The following MTCL1 variants were observed in gnomAD, a reference collection of about 807,000 sequenced individuals.
MTCL1 encodes the protein microtubule crosslinking factor 1.
In MTCL1, 79 loss-of-function variants were observed where a neutral mutation model predicts 141.4. That is an observed-to-expected ratio of 0.56 (90% CI 0.47 to 0.67). MTCL1 has a LOEUF of 0.67. Among genes scored for constraint, MTCL1 ranks in the 30% least tolerant of loss-of-function variants. The pLI is 0.00. For synonymous variants in MTCL1, 914 were observed against 875.8 expected (o/e 1.04, Z -0.77); for missense variants, 2,177 against 2,113.9 (o/e 1.03, Z -0.59).
rs141822568 is a variant in MTCL1, at chr18:8,724,665, C to T, written c.357+4169C>T. 3.7e-3 allele frequency among the ~76,000 whole-genome samples: 566 copies of T among 152,240 alleles called. 3 individuals carry two copies. The highest frequency in any genetic ancestry group is 0.013 in the African/African-American group (543 of 41,538). On this transcript the variant is annotated intron_variant, in intron 4 of 16. Coordinates refer to ENST00000359865, the Ensembl canonical transcript of MTCL1. Reference sequence around the variant, plus strand: ...TGCATGACACAGCAGCCTATTACCCCCTAACCCATCCCCGGCTCCCTGTTG... The same window carrying T: ...TGCATGACACAGCAGCCTATTACCCTCTAACCCATCCCCGGCTCCCTGTTG...
At chr18:8,752,280 G>T (rs28733107) in intron 4 of MTCL1, among the ~76,000 whole-genome samples, 1,912 of 152,296 alleles carry the variant, frequency 0.013, 36 homozygotes, top group African/African-American at 0.044. Context: ...TTTATAAAAA[G>T]TCATCTGCCT....
chr18:8,784,595 C>T (rs775341316), exon 6 of MTCL1: 25 of 1,612,048 alleles, frequency 1.6e-5, no homozygotes, highest in Non-Finnish European at 1.8e-5. Flanking sequence ...GGGGCCTGGC[C>T]TCCAGGGCGA....
intron 1 of MTCL1, among the ~76,000 whole-genome samples, chr18:8,708,389 G>T (rs1160539901): frequency 6.6e-6 from 1 of 152,174 alleles, no homozygotes; most frequent in Non-Finnish European, 1.5e-5. Flanking sequence ...ATGTGTCTGA[G>T]CCTGGAGTCT....
At chr18:8,752,582 CAGACCCACAGAGT>C (rs1167266348) in intron 4 of MTCL1, among the ~76,000 whole-genome samples, 1 of 152,166 alleles carries the variant, frequency 6.6e-6, no homozygotes, top group East Asian at 1.9e-4. Flanking sequence ...TTGTATGCTA[CAGACCCACAGAGT>C]ATTTCCAAGG....
At chr18:8,709,963 C>T (rs778882480) in intron 1 of MTCL1, among the ~76,000 whole-genome samples, 19 of 152,108 alleles carry the variant, frequency 1.2e-4, no homozygotes, top group East Asian at 1.9e-4. Flanking sequence ...CCTCAGCCTC[C>T]GGAGTAGCTG....
In MTCL1 at chr18:8,796,449, A is replaced by G; in HGVS notation, c.2228A>G (p.Glu743Gly). 8 of 1,614,122 alleles carry G rather than the reference A, an allele frequency of 5.0e-6. No homozygotes were observed. The South Asian group carries it at 8.8e-5, about 18-fold the overall frequency. The stretch of plus-strand genomic sequence containing the variant: ...GGGAAGCAGATGGAGGAGGAAGGAG[A>G]GGAGTTCACTGAGGTAACTCCACTG... The change falls in exon 9 of 17, where the codon GAG (glutamate) becomes GGG (glycine). Residue 743 changes from glutamate to glycine, a missense_variant. By Grantham distance (98) the Glu-to-Gly change is moderately conservative. Transcript: ENST00000359865.
At chr18:8,785,940 G>T (rs1271142796) in exon 7 of MTCL1, 1 of 1,600,172 alleles carries the variant, frequency 6.2e-7, no homozygotes, top group African/African-American at 1.3e-5. Context: ...TAACAGTCCA[G>T]ACTGAAAGAG....
chr18:8,754,973 C>T (rs1360871309), intron 4 of MTCL1, among the ~76,000 whole-genome samples: 4 of 152,142 alleles, frequency 2.6e-5, no homozygotes, highest in Non-Finnish European at 5.9e-5. Context: ...CAGCCTGGTG[C>T]GTTTGGTCCT....
At chr18:8,752,772 A>G (rs1050514034) in intron 4 of MTCL1, among the ~76,000 whole-genome samples, 4 of 152,190 alleles carry the variant, frequency 2.6e-5, no homozygotes, top group Admixed American at 6.5e-5. Flanking sequence ...CAGGCACCCT[A>G]TTGCTGGGTG....
At chr18:8,734,052 G>GAGGGTTGCT (rs1222424877) in intron 4 of MTCL1, among the ~76,000 whole-genome samples, 1 of 152,144 alleles carries the variant, frequency 6.6e-6, no homozygotes, top group East Asian at 1.9e-4. Context: ...CATTACAGGT[G>GAGGGTTGCT]AGGGTTGCTA....
chr18:8,778,629 A>C (rs1027955185), intron 5 of MTCL1, among the ~76,000 whole-genome samples: 1 of 152,110 alleles, frequency 6.6e-6, no homozygotes, highest in Non-Finnish European at 1.5e-5. Flanking sequence ...CCATTCTCCA[A>C]ACTCACTGAT....
chr18:8,766,614 T>C (rs1210566983), intron 4 of MTCL1, among the ~76,000 whole-genome samples: 2 of 152,236 alleles, frequency 1.3e-5, no homozygotes, highest in Admixed American at 6.5e-5. Context: ...TTAGCCTGTG[T>C]GTTCATTCCA....
chr18:8,819,224 A>G, exon 13 of MTCL1: 1 of 1,614,234 alleles, frequency 6.2e-7, no homozygotes, highest in Non-Finnish European at 8.5e-7. Flanking sequence ...ACCAGCCCAC[A>G]GGCCCGAGAG....
At chr18:8,734,489 G>A (rs1432287817) in intron 4 of MTCL1, among the ~76,000 whole-genome samples, 1 of 151,980 alleles carries the variant, frequency 6.6e-6, no homozygotes, top group Non-Finnish European at 1.5e-5. Context: ...TTTCTGAAGG[G>A]TACCCTGCAT....
intron 1 of MTCL1, chr18:8,707,240 G>A (rs956625769): frequency 6.5e-6 from 1 of 152,764 alleles, no homozygotes; most frequent in African/African-American, 2.4e-5. Flanking sequence ...CCGACATCCC[G>A]GGTAGAGGGG....
At chr18:8,814,800 T>C (rs1330433269) in intron 12 of MTCL1, among the ~76,000 whole-genome samples, 2 of 152,356 alleles carry the variant, frequency 1.3e-5, no homozygotes, top group Non-Finnish European at 2.9e-5. Context: ...TGGTGGCTTG[T>C]TGGACTTGTC....
At chr18:8,756,513 ATG>A (rs1567984162) in intron 4 of MTCL1, among the ~76,000 whole-genome samples, 1,951 of 145,282 alleles carry the variant, frequency 0.013, 63 homozygotes, top group African/African-American at 0.05. Context: ...GTGTATATAT[ATG>A]TGTGTATATA....
intron 7 of MTCL1, among the ~76,000 whole-genome samples, chr18:8,790,691 A>G (rs1206112392): frequency 2.6e-5 from 4 of 152,248 alleles, no homozygotes; most frequent in Non-Finnish European, 4.4e-5. Context: ...ATTTAGGGGA[A>G]TCTTCAAGAG....
At chr18:8,710,571 T>C (rs574227968) in intron 1 of MTCL1, among the ~76,000 whole-genome samples, 292 of 149,570 alleles carry the variant, frequency 2.0e-3, no homozygotes, top group Middle Eastern at 7.0e-3. Flanking sequence ...TGGATGACAA[T>C]AATGGTTAAA....
Sources: allele counts gnomAD v4.1 joint callset (sites outside exome capture counted in the v4.1 genomes callset), GRCh38; gene constraint gnomAD v4.1.1; transcripts MANE v1.5; gene names NCBI Gene and HGNC (gene_info 2026-07-23, HGNC 2026-07-21).